The following TACR1 variants were observed in gnomAD, a reference collection of about 807,000 sequenced individuals.
TACR1 encodes tachykinin receptor 1, also known as substance-P receptor.
A neutral mutation model predicts 35.8 loss-of-function variants in TACR1; 25 were observed. The ratio of observed to expected loss-of-function variants is 0.70; its 90% CI spans 0.51 to 0.98. TACR1 has a LOEUF of 0.98. TACR1 is among the 50% of genes least tolerant of loss of function. TACR1 has a pLI of 0.00. For synonymous variants in TACR1, 195 were observed against 206.7 expected (o/e 0.94, Z 0.48); for missense variants, 478 against 522.9 (o/e 0.91, Z 0.84).
intron 2 of TACR1, among the ~76,000 whole-genome samples, chr2:75,095,851 T>C (rs1194181929): frequency 6.6e-6 from 1 of 152,094 alleles, no homozygotes; most frequent in Non-Finnish European, 1.5e-5. Flanking sequence ...ATGCTCCAGG[T>C]GGTACAGCTA....
chr2:75,127,818 A>G (rs6713003), intron 1 of TACR1, among the ~76,000 whole-genome samples: 63,543 of 152,094 alleles, frequency 0.42, 14,315 homozygotes, highest in Non-Finnish European at 0.51. Context: ...TCTCACTACT[A>G]TCTGTAGAAA....
At chr2:75,121,971 C>A (rs751245843) in intron 1 of TACR1, among the ~76,000 whole-genome samples, 9 of 152,266 alleles carry the variant, frequency 5.9e-5, no homozygotes, top group Middle Eastern at 3.4e-3. Context: ...GATCTCTAGA[C>A]CAGAATTAGG....
intron 1 of TACR1, among the ~76,000 whole-genome samples, chr2:75,144,969 A>G (rs1179544250): frequency 1.3e-5 from 2 of 152,282 alleles, no homozygotes. Flanking sequence ...AGGAGATAAA[A>G]TAGAGTATAG....
chr2:75,060,417 C>T (rs1194409726), intron 2 of TACR1, among the ~76,000 whole-genome samples: 1 of 152,086 alleles, frequency 6.6e-6, no homozygotes, highest in East Asian at 1.9e-4. Flanking sequence ...TGGCTAAGCC[C>T]TGATATACAA....
chr2:75,140,049 C>G (rs751571001), intron 1 of TACR1, among the ~76,000 whole-genome samples: 2 of 152,260 alleles, frequency 1.3e-5, no homozygotes, highest in Non-Finnish European at 2.9e-5. Flanking sequence ...AAAGCCTCAT[C>G]ATATGAAGCA....
At chr2:75,178,485 A>C (rs1218156329) in intron 1 of TACR1, among the ~76,000 whole-genome samples, 1 of 150,738 alleles carries the variant, frequency 6.6e-6, no homozygotes, top group African/African-American at 2.4e-5. Context: ...GCACCTGACA[A>C]TTTCCCCATT....
intron 1 of TACR1, among the ~76,000 whole-genome samples, chr2:75,122,134 C>T (rs1673982554): frequency 6.6e-6 from 1 of 152,168 alleles, no homozygotes; most frequent in Admixed American, 6.5e-5. Flanking sequence ...GCTCAAAACA[C>T]AGCAGTAGGA....
chr2:75,171,003 C>T (rs1030527489), intron 1 of TACR1, among the ~76,000 whole-genome samples: 4 of 152,224 alleles, frequency 2.6e-5, no homozygotes, highest in Admixed American at 2.0e-4. Flanking sequence ...AAATTCAAGC[C>T]GGCTGCAGAA....
intron 3 of TACR1, among the ~76,000 whole-genome samples, chr2:75,052,594 A>T (rs1210476407): frequency 6.6e-6 from 1 of 152,178 alleles, no homozygotes; most frequent in African/African-American, 2.4e-5. Context: ...TTATATACTG[A>T]TTTTCAAAAA....
intron 1 of TACR1, among the ~76,000 whole-genome samples, chr2:75,181,705 T>C (rs1468671480): frequency 6.6e-6 from 1 of 152,216 alleles, no homozygotes; most frequent in Non-Finnish European, 1.5e-5. Flanking sequence ...GTTGTGATTT[T>C]ATGTTTCTTC....
Position 75,049,447 on chromosome 2 carries a change from G to A in TACR1, c.1209C>T (p.Ser403=), listed in dbSNP as rs899533404. 2.5e-6 allele frequency: 4 copies of A among 1,613,552 alleles called. No individual in the cohort carries two copies. Among genetic ancestry groups the A allele is most frequent in the African/African-American group, 1.3e-5 (1 of 74,938 alleles). The change falls in exon 5 of 5, where the codon TCC becomes TCT. Residue 403 remains serine, a synonymous_variant. Coordinates refer to ENST00000305249, the MANE Select transcript of TACR1 (RefSeq NM_001058.4). ...GCCCTGTGGCCTAGGAGAGCACATT[G>A]GAGGAGAAGCTGAAGCTCTCTGTCA... The part of the protein sequence containing the change: ...KTMTESFSFS[S]NVLS
intron 1 of TACR1, among the ~76,000 whole-genome samples, chr2:75,153,194 C>G (rs960575421): frequency 6.6e-6 from 1 of 152,226 alleles, no homozygotes; most frequent in African/African-American, 2.4e-5. Flanking sequence ...AGCCACTGCA[C>G]CAGCCTAAGA....
At chr2:75,143,960 A>G (rs537228619) in intron 1 of TACR1, among the ~76,000 whole-genome samples, 5 of 152,322 alleles carry the variant, frequency 3.3e-5, no homozygotes, top group African/African-American at 1.2e-4. Context: ...TGTAGAGGGA[A>G]TATTCTAATG....
At chr2:75,164,494 T>G (rs1023459303) in intron 1 of TACR1, among the ~76,000 whole-genome samples, 5 of 152,134 alleles carry the variant, frequency 3.3e-5, no homozygotes, top group Non-Finnish European at 7.4e-5. Context: ...ATAGATAATT[T>G]TCTGGCAAAA....
At chr2:75,193,654 T>TC (rs903409402) in intron 1 of TACR1, among the ~76,000 whole-genome samples, 5 of 149,046 alleles carry the variant, frequency 3.4e-5, no homozygotes, top group African/African-American at 1.2e-4. Context: ...AGGTCATTTC[T>TC]TTTTTTTTTA....
intron 1 of TACR1, among the ~76,000 whole-genome samples, chr2:75,180,429 A>T (rs1675535051): frequency 6.6e-6 from 1 of 152,134 alleles, no homozygotes; most frequent in Admixed American, 6.5e-5. Flanking sequence ...GTCACTGAAG[A>T]GGTAGAATAT....
At chr2:75,185,323 G>A (rs1209766062) in intron 1 of TACR1, among the ~76,000 whole-genome samples, 1 of 151,840 alleles carries the variant, frequency 6.6e-6, no homozygotes, top group Admixed American at 6.6e-5. Flanking sequence ...AGTTGAGGAA[G>A]GTCTTTTTAT....
chr2:75,076,673 A>C (rs910693506), intron 2 of TACR1, among the ~76,000 whole-genome samples: 1 of 152,152 alleles, frequency 6.6e-6, no homozygotes, highest in African/African-American at 2.4e-5. Context: ...GCCCGAGACC[A>C]GGAGTCAGGA....
intron 2 of TACR1, among the ~76,000 whole-genome samples, chr2:75,112,900 G>T (rs1673778659): frequency 6.6e-6 from 1 of 151,924 alleles, no homozygotes; most frequent in South Asian, 2.1e-4. Flanking sequence ...TTATTTTTTT[G>T]GTGAACGTTT....
Sources: allele counts gnomAD v4.1 joint callset (sites outside exome capture counted in the v4.1 genomes callset), GRCh38; gene constraint gnomAD v4.1.1; transcripts MANE v1.5; gene names NCBI Gene and HGNC (gene_info 2026-07-23, HGNC 2026-07-21).